The following PDXDC1 variants were observed in gnomAD, a reference collection of about 807,000 sequenced individuals.
PDXDC1 encodes the protein pyridoxal-dependent decarboxylase domain-containing protein 1.
PDXDC1 carries 42 observed loss-of-function variants against 100.1 expected under a neutral mutation model. That is an observed-to-expected ratio of 0.42 (90% confidence interval 0.33 to 0.54). The LOEUF (loss-of-function observed/expected upper bound fraction) is 0.54. Among genes scored for constraint, PDXDC1 ranks in the 20% least tolerant of loss-of-function variants. The pLI, the probability that PDXDC1 is intolerant of heterozygous loss-of-function variation, is 0.10. For synonymous variants in PDXDC1, 260 were observed against 371.7 expected (o/e 0.70, Z 3.46); for missense variants, 636 against 979.2 (o/e 0.65, Z 4.68).
chr16:15,103,588 C>A (rs1335295333), intron 16 of PDXDC1, among the ~76,000 whole-genome samples: 1 of 150,678 alleles, frequency 6.6e-6, no homozygotes, highest in Non-Finnish European at 1.5e-5. Flanking sequence ...ACTACAACCT[C>A]TGCCTCCTGG....
At chr16:15,044,426 G>T in intron 16 of PDXDC1, 1 of 1,582,276 alleles carries the variant, frequency 6.3e-7, no homozygotes, top group Non-Finnish European at 8.7e-7. Context: ...GAGATGAGAC[G>T]GGTCAGAGGC....
In PDXDC1 at chr16:15,044,397, G is replaced by T; in HGVS notation, c.1399+14341G>T. 2 of 1,612,536 alleles carry T rather than the reference G, an allele frequency of 1.2e-6. No individual in the cohort carries two copies. The highest frequency in any genetic ancestry group is 4.5e-5 in the East Asian group (2 of 44,878). Reference sequence around the variant, plus strand: ...TCGTCACTGAAGCCTCCAACAAGGTGTACTTCCAGCCTGGCAAAGAGATGA... The same window carrying T: ...TCGTCACTGAAGCCTCCAACAAGGTTTACTTCCAGCCTGGCAAAGAGATGA... On this transcript the variant is annotated intron_variant, in intron 16 of 16. Coordinates refer to the PDXDC1 transcript ENST00000535621.
At chr16:15,146,585 G>A in the PDXDC1 span, among the ~76,000 whole-genome samples, 4 of 152,116 alleles carry the variant, frequency 2.6e-5, no homozygotes, top group Non-Finnish European at 5.9e-5. Flanking sequence ...CAGCCACGCG[G>A]CCCTGCGCTG....
At chr16:15,135,633 C>T (rs2048312319) in intron 16 of PDXDC1, 10 of 1,572,830 alleles carry the variant, frequency 6.4e-6, no homozygotes, top group Non-Finnish European at 8.7e-6. Flanking sequence ...GGAGGACGGC[C>T]CTGCCACGCA....
chr16:15,144,740 C>T, the PDXDC1 span, among the ~76,000 whole-genome samples: 1 of 152,126 alleles, frequency 6.6e-6, no homozygotes, highest in African/African-American at 2.4e-5. Flanking sequence ...AGACTCCGGC[C>T]TCGGAGGCTG....
At chr16:15,077,565 G>C (rs2045513924) in intron 16 of PDXDC1, among the ~76,000 whole-genome samples, 1 of 152,156 alleles carries the variant, frequency 6.6e-6, no homozygotes, top group African/African-American at 2.4e-5. Context: ...TTTTTGGCCA[G>C]GTGCAGTGGC....
In PDXDC1 at chr16:15,037,131, C is replaced by G. The variant is rs1361247410; in HGVS notation, c.*856C>G. The G allele has an allele frequency of 2.6e-5, 4 of 152,364 alleles. No homozygotes were observed. Among genetic ancestry groups the G allele is most frequent in the African/African-American group, 9.6e-5 (4 of 41,578 alleles). The allele number at this position is 152,364 out of a possible 1,614,324, so 9.4% of individuals were successfully genotyped here. On this transcript the variant is annotated 3_prime_UTR_variant, in exon 23 of 23. Coordinates refer to ENST00000396410, the MANE Select transcript of PDXDC1 (RefSeq NM_015027.4). ...AACAAGTACCCCTTTGACCTGTCTC[C>G]CACTGAAGCTTCTACTGCCCTGGCA...
chr16:15,025,166 T>G (rs149762195), intron 13 of PDXDC1: 2,233 of 152,364 alleles, frequency 0.015, 16 homozygotes, highest in Non-Finnish European at 0.026. Flanking sequence ...ACTTCAGTGT[T>G]CACTCAGTCT....
chr16:15,144,713 G>C, the PDXDC1 span, among the ~76,000 whole-genome samples: 1 of 152,310 alleles, frequency 6.6e-6, no homozygotes, highest in East Asian at 1.9e-4. Context: ...GGGACCCACA[G>C]GCAGGCACAG....
chr16:15,035,984 G>T, intron 22 of PDXDC1, 32 bp from the exon 23 acceptor site: 2 of 1,585,960 alleles, frequency 1.3e-6, no homozygotes, highest in Non-Finnish European at 1.7e-6. Context: ...TCCTCACTGA[G>T]TTTCAGCGCA....
the PDXDC1 span, among the ~76,000 whole-genome samples, chr16:15,147,319 C>T: frequency 6.6e-6 from 1 of 152,220 alleles, no homozygotes; most frequent in East Asian, 1.9e-4. Flanking sequence ...GGGCCCCAGG[C>T]ACCCTGTGCG....
chr16:15,055,349 G>T (rs547876285), intron 16 of PDXDC1, among the ~76,000 whole-genome samples: 1 of 152,284 alleles, frequency 6.6e-6, no homozygotes, highest in African/African-American at 2.4e-5. Context: ...TCTCTCTCCC[G>T]GCTAAAAATA....
chr16:15,041,028 T>C, downstream of PDXDC1: 1 of 1,395,898 alleles, frequency 7.2e-7, no homozygotes, highest in African/African-American at 1.4e-5. Flanking sequence ...ACTGCACATG[T>C]GACCAAGACT....
chr16:15,042,952 G>C (rs923989960), downstream of PDXDC1, among the ~76,000 whole-genome samples: 2 of 150,020 alleles, frequency 1.3e-5, no homozygotes, highest in Non-Finnish European at 3.0e-5. Context: ...CCATGCTGGA[G>C]TGCAATGGTG....
intron 1 of PDXDC1, among the ~76,000 whole-genome samples, chr16:14,983,138 A>G (rs746197281): frequency 1.3e-4 from 20 of 152,268 alleles, no homozygotes; most frequent in Non-Finnish European, 2.4e-4. Flanking sequence ...AAGTCCCCCA[A>G]ATAAGAACAT....
chr16:15,102,301 G>T (rs1377640463), intron 16 of PDXDC1, among the ~76,000 whole-genome samples: 1 of 152,046 alleles, frequency 6.6e-6, no homozygotes, highest in East Asian at 1.9e-4. Flanking sequence ...CTCTGAGGAG[G>T]ATTTCATTAT....
chr16:15,072,455 A>T (rs1452847982), intron 16 of PDXDC1, among the ~76,000 whole-genome samples: 1 of 152,122 alleles, frequency 6.6e-6, no homozygotes, highest in African/African-American at 2.4e-5. Context: ...ACATTTTCGG[A>T]GCACCTAGCT....
At chr16:14,988,567 C>G in intron 1 of PDXDC1, 1 of 1,612,726 alleles carries the variant, frequency 6.2e-7, no homozygotes, top group Non-Finnish European at 8.5e-7. Context: ...GAGGTCAGCT[C>G]CACTGGCTCG....
At chr16:15,031,289 C>G (rs1246110957) in intron 16 of PDXDC1, among the ~76,000 whole-genome samples, 1 of 151,980 alleles carries the variant, frequency 6.6e-6, no homozygotes, top group Non-Finnish European at 1.5e-5. Context: ...CAAAAGTAAG[C>G]CAGTGAGCCC....
Sources: allele counts gnomAD v4.1 joint callset (sites outside exome capture counted in the v4.1 genomes callset), GRCh38; gene constraint gnomAD v4.1.1; transcripts MANE v1.5; gene names NCBI Gene and HGNC (gene_info 2026-07-23, HGNC 2026-07-21).